The following DPY19L2 variants were observed in gnomAD, a reference collection of about 807,000 sequenced individuals.
DPY19L2 encodes probable C-mannosyltransferase DPY19L2.
DPY19L2 carries 34 observed loss-of-function variants against 97.9 expected under a neutral mutation model. The ratio of observed to expected loss-of-function variants is 0.35; its 90% CI spans 0.26 to 0.46. The LOEUF is 0.46. Ranked by LOEUF, DPY19L2 falls within the 20% of genes least tolerant of loss-of-function variation. The probability of loss-of-function intolerance (pLI) is 1.00; values close to 1 mark genes in which losing one functional copy is unlikely to be tolerated. For synonymous variants in DPY19L2, 230 were observed against 307.9 expected, an observed-to-expected ratio of 0.75 and a Z score of 2.65; for missense variants, 623 against 911.4, an observed-to-expected ratio of 0.68 and a Z score of 4.07.
intron 16 of DPY19L2, among the ~76,000 whole-genome samples, chr12:63,589,391 A>AAG (rs1882474448): frequency 8.4e-6 from 1 of 119,526 alleles, no homozygotes; most frequent in Non-Finnish European, 1.7e-5. Context: ...AAAAAAAAAA[A>AAG]AGTAAAGCAG....
intron 6 of DPY19L2, among the ~76,000 whole-genome samples, chr12:63,640,186 C>T (rs1344799236): frequency 1.3e-5 from 2 of 152,034 alleles, no homozygotes; most frequent in Non-Finnish European, 2.9e-5. Context: ...GAACATCACA[C>T]ACCGGGGCCT....
At chr12:63,617,169 T>G (rs1232744402) in intron 11 of DPY19L2, 135 bp downstream of exon 11, 2 of 605,054 alleles carry the variant, frequency 3.3e-6, no homozygotes, top group East Asian at 6.2e-5. Context: ...GATAAAAAGC[T>G]TTGCTTGGGA....
At chr12:63,622,621 G>A (rs1282800071) in intron 8 of DPY19L2, among the ~76,000 whole-genome samples, 1 of 152,028 alleles carries the variant, frequency 6.6e-6, no homozygotes, top group Non-Finnish European at 1.5e-5. Flanking sequence ...TGTTTCCAGT[G>A]GTACTTTTAA....
chr12:63,615,715 A>G (rs1322730153), intron 11 of DPY19L2, among the ~76,000 whole-genome samples: 1 of 152,182 alleles, frequency 6.6e-6, no homozygotes, highest in East Asian at 1.9e-4. Context: ...GAAAGTTACT[A>G]TCATAGCAGT....
At chr12:63,649,475 A>G (rs1277321640) in intron 4 of DPY19L2, among the ~76,000 whole-genome samples, 1 of 152,110 alleles carries the variant, frequency 6.6e-6, no homozygotes, top group Non-Finnish European at 1.5e-5. Context: ...AATAAACACA[A>G]TCAGAAATGA....
intron 6 of DPY19L2, among the ~76,000 whole-genome samples, chr12:63,637,784 G>T (rs1270925788): frequency 1.3e-5 from 2 of 152,136 alleles, no homozygotes; most frequent in African/African-American, 4.8e-5. Context: ...GAGGTACAAA[G>T]AGGAACTGGT....
At chr12:63,602,371 A>G (rs931337846) in intron 12 of DPY19L2, among the ~76,000 whole-genome samples, 2 of 152,154 alleles carry the variant, frequency 1.3e-5, no homozygotes, top group African/African-American at 4.8e-5. Context: ...TGAAAATGAT[A>G]CCAGAGAAAG....
At chr12:63,602,325 G>T (rs1198469207) in intron 12 of DPY19L2, among the ~76,000 whole-genome samples, 5 of 151,836 alleles carry the variant, frequency 3.3e-5, no homozygotes, top group African/African-American at 1.2e-4. Flanking sequence ...AATAATGAAG[G>T]AATTGAAGTA....
At chr12:63,665,151 C>T (rs1896176335) in intron 2 of DPY19L2, among the ~76,000 whole-genome samples, 1 of 152,114 alleles carries the variant, frequency 6.6e-6, no homozygotes, top group Admixed American at 6.6e-5. Context: ...TTCCAATTGG[C>T]AGGTGTTACT....
At chr12:63,588,677 CT>C (rs1882243666) in intron 16 of DPY19L2, among the ~76,000 whole-genome samples, 1 of 150,978 alleles carries the variant, frequency 6.6e-6, no homozygotes. Context: ...ACATTATATA[CT>C]TTCAACATCT....
At chr12:63,562,651 C>A (rs1297253873) in intron 21 of DPY19L2, among the ~76,000 whole-genome samples, 1 of 152,106 alleles carries the variant, frequency 6.6e-6, no homozygotes, top group Non-Finnish European at 1.5e-5. Flanking sequence ...TCCATAGTGT[C>A]AGCAACACTT....
At chr12:63,647,770 C>G (rs1893619238) in intron 4 of DPY19L2, among the ~76,000 whole-genome samples, 1 of 152,096 alleles carries the variant, frequency 6.6e-6, no homozygotes, top group East Asian at 1.9e-4. Flanking sequence ...GATATTGGCA[C>G]AGCAATAGAC....
At chr12:63,574,221 T>C (rs1879409181) in intron 19 of DPY19L2, among the ~76,000 whole-genome samples, 1 of 152,092 alleles carries the variant, frequency 6.6e-6, no homozygotes, top group Admixed American at 6.5e-5. Flanking sequence ...TTTTGGCTTA[T>C]TTGTTTATGC....
intron 16 of DPY19L2, among the ~76,000 whole-genome samples, chr12:63,589,386 A>AAAAAAAG: frequency 1.5e-5 from 2 of 131,932 alleles, no homozygotes; most frequent in Non-Finnish European, 1.6e-5. Context: ...AAAAAAAAAA[A>AAAAAAAG]AAAAAAGTAA....
chr12:63,635,327 G>T (rs528222566), intron 6 of DPY19L2, among the ~76,000 whole-genome samples: 1 of 152,170 alleles, frequency 6.6e-6, no homozygotes, highest in East Asian at 1.9e-4. Context: ...CACAAAGATG[G>T]GGAGAAACCA....
intron 4 of DPY19L2, among the ~76,000 whole-genome samples, chr12:63,651,354 T>C (rs1894199838): frequency 6.6e-6 from 1 of 152,098 alleles, no homozygotes; most frequent in Non-Finnish European, 1.5e-5. Context: ...AAAAATTTCA[T>C]GATGAAGATG....
At chr12:63,626,371 A>G in intron 7 of DPY19L2, 98 bp downstream of exon 7, 2 of 1,325,502 alleles carry the variant, frequency 1.5e-6, no homozygotes, top group Non-Finnish European at 2.0e-6. Context: ...TTGTGAAGTC[A>G]TAAGTAGTAT....
chr12:63,647,147 C>T (rs1375342127), intron 5 of DPY19L2, 98 bp downstream of exon 5: 8 of 1,072,102 alleles, frequency 7.5e-6, no homozygotes, highest in Non-Finnish European at 9.9e-6. Context: ...TTTTTTAAAT[C>T]AACAACAGAA....
chr12:63,618,631 G>C (rs1888208228), intron 9 of DPY19L2, among the ~76,000 whole-genome samples: 2 of 152,082 alleles, frequency 1.3e-5, no homozygotes, highest in East Asian at 3.9e-4. Flanking sequence ...AGTGCACCAA[G>C]AAGGGTGCTT....
Sources: gnomAD v4.1 joint callset for allele counts (sites outside exome capture counted in the v4.1 genomes callset) on GRCh38, gnomAD v4.1.1 for gene constraint, MANE v1.5 for transcripts, NCBI Gene and HGNC (gene_info 2026-07-23, HGNC 2026-07-21) for gene names.